Variants in TEK observed in about 807,000 individuals in gnomAD.
The protein encoded by TEK is angiopoietin-1 receptor.
A neutral mutation model predicts 131.8 loss-of-function variants in TEK; 43 were observed. The ratio of observed to expected loss-of-function variants is 0.33; its 90% confidence interval spans 0.26 to 0.42. TEK has a LOEUF of 0.42. TEK is among the 10% of genes least tolerant of loss of function. The pLI, the probability that TEK is intolerant of heterozygous loss-of-function variation, is 1.00. For missense variants in TEK, 1,162 were observed against 1,384.4 expected, an observed-to-expected ratio of 0.84 and a Z score of 2.55; for synonymous variants, 580 against 491.6, an observed-to-expected ratio of 1.18 and a Z score of -2.38.
chr9:27,168,488 T>A lies in TEK; in HGVS notation c.365-7T>A. 6.2e-7 allele frequency: 1 copy of A among 1,609,914 alleles called. No homozygotes were observed. Among genetic ancestry groups the A allele is most frequent in the Non-Finnish European group, 8.5e-7 (1 of 1,176,308 alleles). ...ATTTTTGGTATTTGTTTTCTCTCTT[T>A]TAAAAGCTTCCTTCCTACCAGCTAC... On this transcript the variant is annotated splice_polypyrimidine_tract_variant and splice_region_variant and intron_variant, in intron 2 of 22. Coordinates refer to ENST00000380036, the MANE Select transcript of TEK (RefSeq NM_000459.5).
At chr9:27,167,314 G>A (rs1199185242) in intron 2 of TEK, among the ~76,000 whole-genome samples, 2 of 151,856 alleles carry the variant, frequency 1.3e-5, no homozygotes, top group African/African-American at 2.4e-5. Flanking sequence ...TGCAATCTCC[G>A]CCTCCCGGAT....
At chr9:27,123,780 A>G (rs1362441410) in intron 1 of TEK, among the ~76,000 whole-genome samples, 2 of 151,886 alleles carry the variant, frequency 1.3e-5, no homozygotes, top group African/African-American at 2.4e-5. Flanking sequence ...AAATTTCTTC[A>G]TTTTATTTAT....
intron 1 of TEK, among the ~76,000 whole-genome samples, chr9:27,156,848 T>A (rs545299452): frequency 2.2e-4 from 33 of 152,310 alleles, no homozygotes; most frequent in African/African-American, 7.7e-4. Flanking sequence ...CTCCTGATTG[T>A]TTTATGCACA....
intron 12 of TEK, 116 bp from the exon 13 acceptor site, chr9:27,202,704 T>A: frequency 9.1e-7 from 1 of 1,094,864 alleles, no homozygotes; most frequent in East Asian, 2.4e-5. Flanking sequence ...TGGGGTACCA[T>A]ATGAGAAAAC....
intron 11 of TEK, among the ~76,000 whole-genome samples, chr9:27,194,876 G>T (rs949674657): frequency 6.6e-6 from 1 of 152,060 alleles, no homozygotes; most frequent in African/African-American, 2.4e-5. Flanking sequence ...CAGGGAGTCC[G>T]GGAGGGGAAG....
intron 21 of TEK, among the ~76,000 whole-genome samples, chr9:27,225,919 C>G (rs554715545): frequency 1.3e-5 from 2 of 152,148 alleles, no homozygotes; most frequent in Admixed American, 6.5e-5. Context: ...AAAAAGTGGG[C>G]AAAGGATATG....
chr9:27,159,110 A>G (rs1029804948), intron 2 of TEK, among the ~76,000 whole-genome samples: 7 of 152,166 alleles, frequency 4.6e-5, no homozygotes, highest in African/African-American at 1.7e-4. Flanking sequence ...CCTTACATAT[A>G]TGGTGTTGCC....
At chr9:27,172,011 G>A (rs1444732946) in intron 4 of TEK, among the ~76,000 whole-genome samples, 1 of 152,176 alleles carries the variant, frequency 6.6e-6, no homozygotes, top group Non-Finnish European at 1.5e-5. Flanking sequence ...ATATATAGTT[G>A]TTTGAGATAG....
intron 2 of TEK, among the ~76,000 whole-genome samples, chr9:27,164,214 A>T (rs1823643438): frequency 6.6e-6 from 1 of 152,208 alleles, no homozygotes; most frequent in Admixed American, 6.5e-5. Flanking sequence ...TAAAATTAGG[A>T]TAATTGTAGT....
chr9:27,138,886 A>G (rs1487011116), intron 1 of TEK, among the ~76,000 whole-genome samples: 1 of 152,094 alleles, frequency 6.6e-6, no homozygotes, highest in Non-Finnish European at 1.5e-5. Flanking sequence ...CAGCTATGTA[A>G]TGTTTTAGAT....
intron 6 of TEK, among the ~76,000 whole-genome samples, chr9:27,178,554 T>C (rs1222394129): frequency 6.6e-6 from 1 of 152,148 alleles, no homozygotes; most frequent in African/African-American, 2.4e-5. Flanking sequence ...TTAGTTGTGA[T>C]TGATACTAAA....
At chr9:27,217,076 C>G (rs866923930) in intron 18 of TEK, among the ~76,000 whole-genome samples, 1 of 152,176 alleles carries the variant, frequency 6.6e-6, no homozygotes, top group South Asian at 2.1e-4. Flanking sequence ...CAGTCAGGAC[C>G]AGGCATCGAA....
chr9:27,178,986 T>G (rs1465624012), intron 6 of TEK, among the ~76,000 whole-genome samples: 1 of 152,234 alleles, frequency 6.6e-6, no homozygotes, highest in Non-Finnish European at 1.5e-5. Flanking sequence ...AATTTTTGAA[T>G]GTGTAAATTT....
chr9:27,157,311 A>G (rs938864694), intron 1 of TEK, among the ~76,000 whole-genome samples: 5 of 152,174 alleles, frequency 3.3e-5, no homozygotes, highest in African/African-American at 1.2e-4. Flanking sequence ...GGAAATGAAG[A>G]CTTCACTTAG....
intron 5 of TEK, among the ~76,000 whole-genome samples, chr9:27,172,966 C>T (rs572812242): frequency 5.9e-5 from 9 of 152,074 alleles, no homozygotes; most frequent in Non-Finnish European, 8.8e-5. Flanking sequence ...GTGATGTTTA[C>T]AGTGTGAATG....
intron 10 of TEK, among the ~76,000 whole-genome samples, chr9:27,192,257 G>GACAAA (rs1824848391): frequency 6.6e-6 from 1 of 152,150 alleles, no homozygotes; most frequent in Admixed American, 6.6e-5. Context: ...AAATGTGTAA[G>GACAAA]TGGCACAGAA....
chr9:27,180,181 G>C lies in TEK; in HGVS notation c.902-59G>C, dbSNP rs1031108466. On this transcript the variant is annotated intron_variant, in intron 6 of 22. Coordinates refer to ENST00000380036, the MANE Select transcript of TEK (RefSeq NM_000459.5). ...AGAAAAATAAAACTAAACACCTGCA[G>C]TCTTAGTTTCCTCTCTTCCCCTGGA... 6.8e-6 allele frequency: 11 copies of C among 1,609,348 alleles called. No individual in the cohort carries two copies. The East Asian group carries it at 1.8e-4, about 26-fold the overall frequency.
chr9:27,114,599 AG>A (rs1821478313), intron 1 of TEK, among the ~76,000 whole-genome samples: 1 of 152,158 alleles, frequency 6.6e-6, no homozygotes, highest in South Asian at 2.1e-4. Flanking sequence ...ATTTAATATT[AG>A]GTTGGTGAAA....
At position 27,114,271 on chromosome 9, in the gene TEK, G is replaced by A. The variant is rs78412560; in HGVS notation, c.52+4629G>A. Among the ~76,000 whole-genome samples, 379 of 152,274 alleles carry A rather than the reference G, an allele frequency of 2.5e-3. 11 individuals carry two copies. The East Asian group carries it at 0.062, about 25-fold the overall frequency. On this transcript the variant is annotated intron_variant, in intron 1 of 22. Coordinates refer to ENST00000380036, the MANE Select transcript of TEK (RefSeq NM_000459.5). ...TTGTAGAAAGGATCTCAGTAACATC[G>A]AAATAATAATATTACATTGGGCCAG...
Sources: allele counts gnomAD v4.1 joint callset (sites outside exome capture counted in the v4.1 genomes callset), GRCh38; gene constraint gnomAD v4.1.1; transcripts MANE v1.5; gene names NCBI Gene and HGNC (gene_info 2026-07-23, HGNC 2026-07-21).